The following ARSJ variants were observed in gnomAD, a reference collection of about 807,000 sequenced individuals.
ARSJ encodes arylsulfatase family member J, also known as arylsulfatase J.
ARSJ carries 26 observed loss-of-function variants against 35.9 expected under a neutral mutation model. That is an observed-to-expected ratio of 0.72 (90% confidence interval 0.53 to 1.00). ARSJ has a LOEUF of 1.00. ARSJ is among the 50% of genes least tolerant of loss of function. The probability of loss-of-function intolerance (pLI) is 0.00; values close to 1 mark genes in which losing one functional copy is unlikely to be tolerated. For missense variants in ARSJ, 667 were observed against 723.6 expected (o/e 0.92, Z 0.90); for synonymous variants, 294 against 267.6 (o/e 1.10, Z -0.96).
intron 1 of ARSJ, among the ~76,000 whole-genome samples, chr4:113,967,074 A>C (rs937884387): frequency 1.3e-5 from 2 of 152,178 alleles, no homozygotes; most frequent in South Asian, 2.1e-4. Context: ...AGGATAGAGA[A>C]ATTTTATTAT....
intron 1 of ARSJ, among the ~76,000 whole-genome samples, chr4:113,931,848 T>G (rs1724474897): frequency 6.6e-6 from 1 of 151,950 alleles, no homozygotes; most frequent in Admixed American, 6.6e-5. Flanking sequence ...TAAACCAAAA[T>G]GTAAACACAG....
intron 1 of ARSJ, among the ~76,000 whole-genome samples, chr4:113,925,726 C>T (rs551566519): frequency 6.6e-6 from 1 of 152,146 alleles, no homozygotes. Context: ...AGATGGTAGT[C>T]TTGGCAGAAG....
chr4:113,906,945 C>G (rs1372920007), intron 1 of ARSJ, among the ~76,000 whole-genome samples: 2 of 152,108 alleles, frequency 1.3e-5, no homozygotes, highest in African/African-American at 4.8e-5. Context: ...TTCACTGCAA[C>G]AGTGAGAAGT....
intron 1 of ARSJ, among the ~76,000 whole-genome samples, chr4:113,968,145 T>G (rs1199222663): frequency 6.6e-6 from 1 of 152,176 alleles, no homozygotes; most frequent in Non-Finnish European, 1.5e-5. Flanking sequence ...ATCCTCATAA[T>G]AACCCCATGA....
chr4:113,975,769 A>C (rs1427270644), intron 1 of ARSJ, among the ~76,000 whole-genome samples: 1 of 152,214 alleles, frequency 6.6e-6, no homozygotes. Context: ...GCAGACGCTA[A>C]CATTTAATAC....
intron 1 of ARSJ, among the ~76,000 whole-genome samples, chr4:113,905,792 C>T (rs113838559): frequency 1.5e-4 from 23 of 150,934 alleles, no homozygotes; most frequent in African/African-American, 3.2e-4. Context: ...CTCAGCCACC[C>T]GAGTAGCTGG....
At chr4:113,971,788 G>T (rs1484249465) in intron 1 of ARSJ, among the ~76,000 whole-genome samples, 6 of 152,174 alleles carry the variant, frequency 3.9e-5, no homozygotes, top group Non-Finnish European at 7.3e-5. Flanking sequence ...TATTTATTGA[G>T]TCTTGTCTGG....
At chr4:113,908,018 T>C (rs924036848) in intron 1 of ARSJ, among the ~76,000 whole-genome samples, 1 of 152,122 alleles carries the variant, frequency 6.6e-6, no homozygotes, top group Non-Finnish European at 1.5e-5. Context: ...ACGATATATC[T>C]GTACACCAAA....
chr4:113,903,886 A>G (rs544375274), intron 1 of ARSJ, among the ~76,000 whole-genome samples: 1 of 152,356 alleles, frequency 6.6e-6, no homozygotes, highest in South Asian at 2.1e-4. Flanking sequence ...ATGCATTTCA[A>G]TCTAAGCCAG....
chr4:113,905,315 C>CT (rs1202662514), intron 1 of ARSJ, among the ~76,000 whole-genome samples: 3 of 152,112 alleles, frequency 2.0e-5, no homozygotes, highest in Admixed American at 6.5e-5. Flanking sequence ...TCAAAAGCAG[C>CT]TTTTTTCACA....
intron 1 of ARSJ, among the ~76,000 whole-genome samples, chr4:113,933,566 CTTA>C (rs757096767): frequency 6.6e-6 from 1 of 151,618 alleles, no homozygotes; most frequent in Non-Finnish European, 1.5e-5. Context: ...CAATAAATTA[CTTA>C]TTATATTAAC....
At chr4:113,918,199 C>A (rs1253165866) in intron 1 of ARSJ, among the ~76,000 whole-genome samples, 1 of 152,130 alleles carries the variant, frequency 6.6e-6, no homozygotes, top group African/African-American at 2.4e-5. Context: ...CATATATCCA[C>A]GAGGCTGAAT....
chr4:113,975,176 T>C (rs1235853925), intron 1 of ARSJ, among the ~76,000 whole-genome samples: 1 of 152,096 alleles, frequency 6.6e-6, no homozygotes, highest in East Asian at 1.9e-4. Flanking sequence ...GGGTAGGGGG[T>C]TGTTTTAAGC....
In ARSJ at chr4:113,923,290, T is replaced by A. The variant is rs1216305052; in HGVS notation, c.399-19615A>T. On this transcript the variant is annotated intron_variant, in intron 1 of 1. Transcript: ENST00000315366. The stretch of plus-strand genomic sequence containing the variant: ...AATAATAAAAGATGCCTTTAAAGTG[T>A]CTTAGAAATACATTATTCTTGAATG... Among the ~76,000 whole-genome samples, 3 of 152,188 alleles carry A rather than the reference T, an allele frequency of 2.0e-5. No individual in the cohort carries two copies. The East Asian group carries it at 5.8e-4, about 29-fold the overall frequency.
At chr4:113,904,990 T>C (rs566117565) in intron 1 of ARSJ, among the ~76,000 whole-genome samples, 1 of 152,358 alleles carries the variant, frequency 6.6e-6, no homozygotes, top group African/African-American at 2.4e-5. Flanking sequence ...TATAAAATAG[T>C]CTAAGAAAGC....
rs764973881 is a variant in ARSJ, at chr4:113,902,295, A to G, written c.1779T>C (p.His593=). The change falls in exon 2 of 2, where the codon CAT becomes CAC. Residue 593 remains histidine (H), a synonymous_variant. Coordinates refer to ENST00000315366, the MANE Select transcript of ARSJ (RefSeq NM_024590.4). ...QQKAVSGSTC[H]SGVTCG ...GTGCTTATCCACAAGTAACACCTGA[A>G]TGGCAAGTTGAACCTGAGACTGCTT... 6.2e-7 allele frequency: 1 copy of G among 1,611,634 alleles called. No homozygotes were observed. The highest frequency in any genetic ancestry group is 8.5e-7 in the Non-Finnish European group (1 of 1,180,018).
intron 1 of ARSJ, among the ~76,000 whole-genome samples, chr4:113,975,594 T>A (rs1727541029): frequency 6.6e-6 from 1 of 152,176 alleles, no homozygotes. Context: ...GAATGCTGTT[T>A]CTCAAAGCCC....
chr4:113,909,594 C>T (rs960055315), intron 1 of ARSJ, among the ~76,000 whole-genome samples: 35 of 152,146 alleles, frequency 2.3e-4, no homozygotes, highest in Non-Finnish European at 4.0e-4. Flanking sequence ...CTTCCCCTTT[C>T]GGTTGGCTCT....
At chr4:113,967,179 C>A (rs1187486450) in intron 1 of ARSJ, among the ~76,000 whole-genome samples, 2 of 152,078 alleles carry the variant, frequency 1.3e-5, no homozygotes, top group African/African-American at 4.8e-5. Context: ...TCTAAAAATT[C>A]TATCACTCTT....
Sources: gnomAD v4.1 joint callset for allele counts (sites outside exome capture counted in the v4.1 genomes callset) on GRCh38, gnomAD v4.1.1 for gene constraint, MANE v1.5 for transcripts, NCBI Gene and HGNC (gene_info 2026-07-23, HGNC 2026-07-21) for gene names.